The following HIVEP2 variants were observed in gnomAD, a reference collection of about 807,000 sequenced individuals.
HIVEP2 encodes the protein HIVEP zinc finger 2.
In HIVEP2, 14 loss-of-function variants were observed where a neutral mutation model predicts 180.7. That is an observed-to-expected ratio of 0.08 (90% CI 0.05 to 0.12). The LOEUF is 0.12. Ranked by LOEUF, HIVEP2 falls within the 10% of genes least tolerant of loss-of-function variation. HIVEP2 has a pLI of 1.00. For synonymous variants in HIVEP2, 1,184 were observed against 1,136.4 expected (o/e 1.04, Z -0.84); for missense variants, 2,579 against 3,008.5 (o/e 0.86, Z 3.34).
At chr6:142,780,497 G>T (rs975845120) in intron 3 of HIVEP2, among the ~76,000 whole-genome samples, 1 of 152,156 alleles carries the variant, frequency 6.6e-6, no homozygotes, top group African/African-American at 2.4e-5. Context: ...ATAAAATCAC[G>T]TCTCTTCTTG....
At chr6:142,905,710 T>C (rs1441473019) in intron 1 of HIVEP2, among the ~76,000 whole-genome samples, 5 of 152,236 alleles carry the variant, frequency 3.3e-5, no homozygotes, top group Non-Finnish European at 5.9e-5. Flanking sequence ...AAAAATTATA[T>C]GACATAATAG....
intron 2 of HIVEP2, among the ~76,000 whole-genome samples, chr6:142,825,672 C>A (rs1402627998): frequency 1.3e-5 from 2 of 152,144 alleles, no homozygotes; most frequent in Non-Finnish European, 2.9e-5. Flanking sequence ...AGAAATTGTA[C>A]AGAACATTTC....
rs528268246 is a variant in HIVEP2, at chr6:142,899,495, T to C, written c.-641+45604A>G. Among the ~76,000 whole-genome samples the C allele has an allele frequency of 5.5e-4, 84 of 152,328 alleles. 2 individuals carry two copies. The Middle Eastern group carries it at 0.02, about 37-fold the overall frequency. ...CACATGCCTGCTCTTTATTGCATGCTCAGGCCCACACGCAATAGTCAACAA... is the reference window on the plus strand; with the variant it reads ...CACATGCCTGCTCTTTATTGCATGCCCAGGCCCACACGCAATAGTCAACAA... On this transcript the variant is annotated intron_variant, in intron 1 of 9. Transcript: ENST00000367603.
chr6:142,883,820 C>T (rs985959799), intron 1 of HIVEP2, among the ~76,000 whole-genome samples: 1 of 152,114 alleles, frequency 6.6e-6, no homozygotes, highest in Non-Finnish European at 1.5e-5. Context: ...ACTAATAACT[C>T]AAAACTCACA....
intron 2 of HIVEP2, chr6:142,793,971 T>C (rs1470184650): frequency 6.6e-6 from 1 of 152,086 alleles, no homozygotes; most frequent in East Asian, 1.9e-4. Flanking sequence ...CTAGCCCTCA[T>C]GGTTTATAAT....
intron 1 of HIVEP2, among the ~76,000 whole-genome samples, chr6:142,885,106 T>G (rs1776663916): frequency 6.6e-6 from 1 of 152,242 alleles, no homozygotes; most frequent in East Asian, 1.9e-4. Flanking sequence ...TCTAACTGAT[T>G]TGGAAAACAA....
At chr6:142,863,179 G>A (rs1776050642) in intron 1 of HIVEP2, among the ~76,000 whole-genome samples, 1 of 149,102 alleles carries the variant, frequency 6.7e-6, no homozygotes, top group Admixed American at 6.8e-5. Flanking sequence ...AGGTTCTGTT[G>A]CATTTTTTTT....
At chr6:142,828,359 A>G (rs893693632) in intron 2 of HIVEP2, among the ~76,000 whole-genome samples, 1 of 152,166 alleles carries the variant, frequency 6.6e-6, no homozygotes, top group African/African-American at 2.4e-5. Flanking sequence ...GTCAGAATTA[A>G]TGCCACTCTC....
chr6:142,901,743 G>A (rs746928861), intron 1 of HIVEP2, among the ~76,000 whole-genome samples: 3 of 152,234 alleles, frequency 2.0e-5, no homozygotes, highest in East Asian at 3.9e-4. Context: ...CCAATCTGCC[G>A]ACAAGAAGTT....
At position 142,753,581 on chromosome 6, in the gene HIVEP2, A is replaced by G; in HGVS notation, c.6867T>C (p.Ala2289=). 6.2e-7 allele frequency: 1 copy of G among 1,614,192 alleles called. No individual in the cohort carries two copies. Among genetic ancestry groups the G allele is most frequent in the East Asian group, 2.2e-5 (1 of 44,880 alleles). ...SKQHEKRGPH[A]LQSSGPPSTP... is the part of the protein sequence containing the mutation. ...TGCTAGGTGGACCAGATGACTGCAA[A>G]GCGTGAGGACCTCGCTTCTCATGCT... Residue 2289 remains alanine (A), a synonymous_variant, in exon 10 of 10, where the codon GCT becomes GCC. Transcript: ENST00000367603.
intron 1 of HIVEP2, among the ~76,000 whole-genome samples, chr6:142,923,285 C>G (rs1777726389): frequency 6.6e-6 from 1 of 151,382 alleles, no homozygotes; most frequent in African/African-American, 2.4e-5. Flanking sequence ...GAGCTGAGAT[C>G]GTGCCACTGT....
At chr6:142,891,788 C>T (rs543563925) in intron 1 of HIVEP2, among the ~76,000 whole-genome samples, 12 of 152,220 alleles carry the variant, frequency 7.9e-5, no homozygotes, top group African/African-American at 2.2e-4. Context: ...ACACGGCCCC[C>T]GATGGTCTAA....
intron 1 of HIVEP2, among the ~76,000 whole-genome samples, chr6:142,868,138 C>A (rs747191799): frequency 6.6e-6 from 1 of 152,136 alleles, no homozygotes; most frequent in Admixed American, 6.6e-5. Flanking sequence ...CAATAGTTAT[C>A]CTACCGGGCT....
At chr6:142,775,833 CA>C (rs11369540) in intron 4 of HIVEP2, among the ~76,000 whole-genome samples, 1 of 148,416 alleles carries the variant, frequency 6.7e-6, no homozygotes. Flanking sequence ...GACTCCATCT[CA>C]AAAAAAAACC....
At chr6:142,835,517 T>A (rs1775200669) in intron 2 of HIVEP2, among the ~76,000 whole-genome samples, 1 of 152,248 alleles carries the variant, frequency 6.6e-6, no homozygotes, top group Admixed American at 6.5e-5. Context: ...AATTTCATCT[T>A]CTAACATTTA....
intron 1 of HIVEP2, among the ~76,000 whole-genome samples, chr6:142,885,349 G>A (rs1171796706): frequency 6.8e-6 from 1 of 146,370 alleles, no homozygotes; most frequent in Admixed American, 6.9e-5. Context: ...TTCTTCTCTC[G>A]TCCCTCCCCC....
rs530875182 is a variant in HIVEP2 at position 142,768,304 on chromosome 6, C to T, written c.5342+78G>A. ...CAGCTTTCAACCAGATTAGACAGTA[C>T]CTTTTCCATGCAGACATTCTGGACC... On this transcript the variant is annotated intron_variant, in intron 6 of 9. Transcript: ENST00000367603. The T allele has an allele frequency of 8.1e-6, 11 of 1,359,354 alleles. No individual in the cohort carries two copies. In the South Asian group the frequency reaches 1.2e-4, roughly 15 times the overall value. 84.2% of individuals were successfully genotyped at this position (1,359,354 alleles called of 1,614,324 possible).
rs912958517 is a variant in HIVEP2 at position 142,942,942 on chromosome 6, A to G, written c.-641+2157T>C. On this transcript the variant is annotated intron_variant, in intron 1 of 9. Coordinates refer to ENST00000367603, the MANE Select transcript of HIVEP2 (RefSeq NM_006734.4). ...CAATGTTCAAAAGATTCATCATTGT[A>G]ATACATTTCTGTATATAAGAAATAT... Among the ~76,000 whole-genome samples, 5 of 152,346 alleles carry G rather than the reference A, an allele frequency of 3.3e-5. No individual in the cohort carries two copies. The South Asian group carries it at 1.0e-3, about 32-fold the overall frequency.
chr6:142,771,646 T>G lies in HIVEP2; in HGVS notation c.3093A>C (p.Ser1031=). The G allele has an allele frequency of 6.2e-7, 1 of 1,614,186 alleles. No individual in the cohort carries two copies. Among genetic ancestry groups the G allele is most frequent in the Non-Finnish European group, 8.5e-7 (1 of 1,180,002 alleles). Residue 1031 remains serine (S), a synonymous_variant, in exon 5 of 10, where the codon TCA becomes TCC. Transcript: ENST00000367603. This position sits in a 1 kb window ranked among gnomAD's most constrained non-coding sequence, Gnocchi z 5.4. The part of the protein sequence containing the change: ...HHHQKEMRRC[S]SEQMPCPHPA... ...GGTGAGGACAAGGCATCTGCTCTGA[T>G]GAGCAGCGTCGCATCTCTTTCTGGT...
Sources: allele counts gnomAD v4.1 joint callset (sites outside exome capture counted in the v4.1 genomes callset), GRCh38; gene constraint gnomAD v4.1.1; non-coding constraint Gnocchi (gnomAD v3.1); transcripts MANE v1.5; gene names NCBI Gene and HGNC (gene_info 2026-07-23, HGNC 2026-07-21).